The following TEK variants were observed in gnomAD, a reference collection of about 807,000 sequenced individuals.
TEK encodes TEK receptor tyrosine kinase, also known as angiopoietin-1 receptor.
TEK carries 43 observed loss-of-function variants against 131.8 expected under a neutral mutation model. That is an observed-to-expected ratio of 0.33 (90% confidence interval 0.26 to 0.42). The LOEUF is 0.42. TEK is among the 10% of genes least tolerant of loss of function. The pLI is 1.00. For synonymous variants in TEK, 580 were observed against 491.6 expected (o/e 1.18, Z -2.38); for missense variants, 1,162 against 1,384.4 (o/e 0.84, Z 2.55).
chr9:27,164,472 A>G (rs1489099547), intron 2 of TEK, among the ~76,000 whole-genome samples: 3 of 151,966 alleles, frequency 2.0e-5, no homozygotes, highest in Non-Finnish European at 2.9e-5. Flanking sequence ...GGCGCCCGCT[A>G]CCACGCCCGG....
intron 2 of TEK, among the ~76,000 whole-genome samples, chr9:27,161,781 A>C (rs779103618): frequency 5.6e-4 from 85 of 152,348 alleles, no homozygotes; most frequent in Non-Finnish European, 1.1e-3. Context: ...CAAGTTACTT[A>C]ATTGAAGTCA....
Position 27,160,037 on chromosome 9 carries a change from TTTTA to T in TEK, c.364+1896_364+1899del, listed in dbSNP as rs1355844118. ...TTTTTTTTTTTTTTTTTTTTTTTTTTTTTAAAGACAAGGGTCTTGCTGTTGCCCA... is the reference window on the plus strand; with the variant it reads ...TTTTTTTTTTTTTTTTTTTTTTTTTTAAGACAAGGGTCTTGCTGTTGCCCA... On this transcript the variant is annotated intron_variant, in intron 2 of 22. Transcript: ENST00000380036. Among the ~76,000 whole-genome samples the T allele has an allele frequency of 4.6e-4, 49 of 107,112 alleles. No homozygotes were observed. The South Asian group carries it at 9.1e-3, about 20-fold the overall frequency. 70.3% of individuals were successfully genotyped at this position (107,112 alleles called of 152,430 possible). A position where few individuals can be genotyped will look rare whatever the true frequency, so the allele number is the denominator to read the frequency against.
intron 1 of TEK, among the ~76,000 whole-genome samples, chr9:27,146,521 C>T (rs927690279): frequency 6.6e-6 from 1 of 152,086 alleles, no homozygotes; most frequent in Admixed American, 6.5e-5. Flanking sequence ...TAAATGCAGT[C>T]GGACAGTAGG....
chr9:27,156,262 G>A (rs973907816), intron 1 of TEK, among the ~76,000 whole-genome samples: 4 of 152,008 alleles, frequency 2.6e-5, no homozygotes, highest in Admixed American at 6.6e-5. Context: ...TTGAGATTAC[G>A]GAGAATATTC....
At chr9:27,216,943 A>C (rs1825839032) in intron 18 of TEK, among the ~76,000 whole-genome samples, 1 of 152,210 alleles carries the variant, frequency 6.6e-6, no homozygotes, top group African/African-American at 2.4e-5. Context: ...AGGGAGCCCC[A>C]AATCATAGAG....
At chr9:27,142,600 A>C (rs867822897) in intron 1 of TEK, among the ~76,000 whole-genome samples, 24 of 152,386 alleles carry the variant, frequency 1.6e-4, no homozygotes, top group African/African-American at 4.3e-4. Flanking sequence ...TTTTAGATTC[A>C]TAGTCTTACA....
At chr9:27,142,221 A>G (rs2131087571) in intron 1 of TEK, among the ~76,000 whole-genome samples, 1 of 152,352 alleles carries the variant, frequency 6.6e-6, no homozygotes, top group Admixed American at 6.5e-5. Flanking sequence ...GTTGTTGACA[A>G]TAACTTGGAG....
At position 27,109,484 on chromosome 9, in the gene TEK, C is replaced by G; in HGVS notation, c.-107C>G. 9.0e-7 allele frequency: 1 copy of G among 1,111,316 alleles called. No individual in the cohort carries two copies. The highest frequency in any genetic ancestry group is 1.4e-6 in the Non-Finnish European group (1 of 722,404). The allele number at this position is 1,111,316 out of a possible 1,614,324, so 68.8% of individuals were successfully genotyped here. ...TCTTGCCTCTAACTTGTAAACAAGA[C>G]GTAGTAGGACGATGCTAATGGAAAG... On this transcript the variant is annotated 5_prime_UTR_variant, in exon 1 of 23. Transcript: ENST00000380036.
intron 6 of TEK, among the ~76,000 whole-genome samples, chr9:27,177,326 C>T (rs766340170): frequency 7.2e-5 from 11 of 152,194 alleles, no homozygotes; most frequent in Non-Finnish European, 1.3e-4. Flanking sequence ...CAAGGGTTCC[C>T]TATTATCTAC....
At chr9:27,116,203 G>C (rs986009619) in intron 1 of TEK, among the ~76,000 whole-genome samples, 4 of 152,196 alleles carry the variant, frequency 2.6e-5, no homozygotes, top group Non-Finnish European at 5.9e-5. Flanking sequence ...TTGGATAATG[G>C]TGGTGCCATT....
At chr9:27,122,881 G>T (rs1241879131) in intron 1 of TEK, among the ~76,000 whole-genome samples, 2 of 151,342 alleles carry the variant, frequency 1.3e-5, no homozygotes, top group Non-Finnish European at 2.9e-5. Context: ...GTGAAACCCT[G>T]TCTCTACTAA....
chr9:27,188,000 T>A (rs192034995), intron 9 of TEK, among the ~76,000 whole-genome samples: 15 of 152,288 alleles, frequency 9.8e-5, no homozygotes, highest in Admixed American at 6.5e-5. Context: ...GGGAATACAA[T>A]TTAGCCCATA....
intron 21 of TEK, among the ~76,000 whole-genome samples, chr9:27,225,515 G>A (rs186027989): frequency 9.1e-4 from 138 of 152,282 alleles, no homozygotes; most frequent in Non-Finnish European, 1.1e-3. Context: ...AATAAATGGC[G>A]TTGGGAAAAC....
intron 6 of TEK, 43 bp downstream of exon 6, chr9:27,173,405 G>T (rs1263797700): frequency 6.2e-7 from 1 of 1,612,742 alleles, no homozygotes; most frequent in Non-Finnish European, 8.5e-7. Context: ...GTTCTAGCAG[G>T]TATATAAAGG....
At chr9:27,159,941 C>G (rs1823481545) in intron 2 of TEK, among the ~76,000 whole-genome samples, 1 of 148,790 alleles carries the variant, frequency 6.7e-6, no homozygotes, top group Non-Finnish European at 1.5e-5. Context: ...TTAGTATCAT[C>G]ACAACCACAG....
At chr9:27,200,600 T>C (rs1825179793) in intron 12 of TEK, among the ~76,000 whole-genome samples, 1 of 117,498 alleles carries the variant, frequency 8.5e-6, no homozygotes, top group Admixed American at 8.7e-5. Context: ...GTTAATATGC[T>C]GTGTTGTCAT....
chr9:27,179,803 C>T (rs554573135), intron 6 of TEK, among the ~76,000 whole-genome samples: 7 of 152,152 alleles, frequency 4.6e-5, no homozygotes, highest in Non-Finnish European at 1.0e-4. Context: ...GACTCTGTCT[C>T]TGATGCATCA....
intron 7 of TEK, among the ~76,000 whole-genome samples, chr9:27,182,493 A>G (rs1824419452): frequency 6.6e-6 from 1 of 152,156 alleles, no homozygotes; most frequent in African/African-American, 2.4e-5. Flanking sequence ...CTTCTCCTCC[A>G]CACCTTTACC....
At chr9:27,157,035 CAT>C (rs1488557924) in intron 1 of TEK, among the ~76,000 whole-genome samples, 3 of 152,120 alleles carry the variant, frequency 2.0e-5, no homozygotes, top group Non-Finnish European at 4.4e-5. Flanking sequence ...GAGAAAATAA[CAT>C]GAGAGGATTT....
Sources: gnomAD v4.1 joint callset for allele counts (sites outside exome capture counted in the v4.1 genomes callset) on GRCh38, gnomAD v4.1.1 for gene constraint, MANE v1.5 for transcripts, NCBI Gene and HGNC (gene_info 2026-07-23, HGNC 2026-07-21) for gene names.